Variants in PTPRA observed in about 807,000 individuals in gnomAD.
PTPRA encodes the protein protein tyrosine phosphatase receptor type A.
In PTPRA, 25 loss-of-function variants were observed where a neutral mutation model predicts 104.8. The ratio of observed to expected loss-of-function variants is 0.24; its 90% CI spans 0.17 to 0.33. PTPRA has a LOEUF of 0.33. Ranked by LOEUF, PTPRA falls within the 10% of genes least tolerant of loss-of-function variation. The pLI is 1.00. For synonymous variants in PTPRA, 323 were observed against 368.9 expected (o/e 0.88, Z 1.43); for missense variants, 765 against 1,015.3 (o/e 0.75, Z 3.35).
intron 6 of PTPRA, among the ~76,000 whole-genome samples, 197 bp downstream of exon 6, chr20:2,975,438 T>C (rs12480170): frequency 0.022 from 3,371 of 152,330 alleles, 110 homozygotes; most frequent in African/African-American, 0.064. Context: ...TTTTTTAATA[T>C]AGACTATGGA....
intron 17 of PTPRA, among the ~76,000 whole-genome samples, chr20:3,025,434 C>T: frequency 7.6e-6 from 1 of 130,772 alleles, no homozygotes. Context: ...GCCTGGGCGA[C>T]AGAGCGAGAC....
chr20:2,904,895 C>A (rs191461515), intron 1 of PTPRA, among the ~76,000 whole-genome samples: 1 of 151,968 alleles, frequency 6.6e-6, no homozygotes. Flanking sequence ...GGGAAAAATA[C>A]GTAAAGATTT....
intron 2 of PTPRA, among the ~76,000 whole-genome samples, chr20:2,925,546 G>T (rs1295643688): frequency 6.6e-6 from 1 of 152,086 alleles, no homozygotes; most frequent in African/African-American, 2.4e-5. Flanking sequence ...GAGTGTGGTG[G>T]CTCACGCCTG....
At chr20:2,894,047 G>A (rs1407468403) in intron 1 of PTPRA, among the ~76,000 whole-genome samples, 2 of 151,882 alleles carry the variant, frequency 1.3e-5, no homozygotes, top group African/African-American at 4.8e-5. Context: ...TAATGACATG[G>A]AAAAAAGTAG....
At chr20:3,032,575 G>A (rs879331057) in intron 20 of PTPRA, among the ~76,000 whole-genome samples, 10 of 151,738 alleles carry the variant, frequency 6.6e-5, no homozygotes, top group East Asian at 3.9e-4. Flanking sequence ...AGACCAGCCT[G>A]GCCAACATGG....
intron 20 of PTPRA, among the ~76,000 whole-genome samples, chr20:3,031,862 A>G (rs1600286419): frequency 6.6e-6 from 1 of 152,046 alleles, no homozygotes; most frequent in Middle Eastern, 3.4e-3. Context: ...TTATTCCCTC[A>G]TGCTTTCTTA....
chr20:3,035,715 G>T lies in PTPRA; in HGVS notation c.2046+5G>T, dbSNP rs931156231. ...CTCCTGGTCACCAACACCAGGGTAAGATGGGTCGTGGGTGGACTCTGCCCA... is the reference window on the plus strand; with the variant it reads ...CTCCTGGTCACCAACACCAGGGTAATATGGGTCGTGGGTGGACTCTGCCCA... On this transcript the variant is annotated splice_donor_5th_base_variant and intron_variant, in intron 21 of 23. Transcript: ENST00000399903. This position sits in a 1 kb window ranked among gnomAD's most constrained non-coding sequence, Gnocchi z 5.8. 2.5e-6 allele frequency: 4 copies of T among 1,614,096 alleles called. No individual in the cohort carries two copies. The highest frequency in any genetic ancestry group is 2.7e-5 in the African/African-American group (2 of 74,946).
intron 12 of PTPRA, among the ~76,000 whole-genome samples, chr20:3,016,524 G>T (rs1012789773): frequency 6.6e-6 from 1 of 152,226 alleles, no homozygotes; most frequent in African/African-American, 2.4e-5. Context: ...AAGACAGGAG[G>T]ATCGTTTGAG....
chr20:3,018,783 A>C, intron 13 of PTPRA, among the ~76,000 whole-genome samples: 2 of 137,506 alleles, frequency 1.5e-5, no homozygotes, highest in Non-Finnish European at 3.1e-5. Flanking sequence ...GGGGCTCCTC[A>C]CTTCCCAGTA....
At chr20:2,888,615 A>C (rs935903739) in intron 1 of PTPRA, among the ~76,000 whole-genome samples, 4 of 152,112 alleles carry the variant, frequency 2.6e-5, no homozygotes, top group African/African-American at 9.7e-5. Context: ...ATTTTGCTTA[A>C]TTTAAAATTA....
intron 16 of PTPRA, 83 bp from the exon 17 acceptor site, chr20:3,024,389 G>A: frequency 7.3e-7 from 1 of 1,374,162 alleles, no homozygotes; most frequent in Non-Finnish European, 1.0e-6. Flanking sequence ...ATGGACTGGA[G>A]TGAAGTGGGG....
Position 2,883,576 on chromosome 20 carries a change from C to T in PTPRA, c.-129+9816C>T, listed in dbSNP as rs2090189263. On this transcript the variant is annotated intron_variant, in intron 1 of 23. Coordinates refer to ENST00000399903, the MANE Select transcript of PTPRA (RefSeq NM_001385305.1). The stretch of plus-strand genomic sequence containing the variant: ...CTGAGGCAGGAGAATGGCGTGAACC[C>T]GGGAGGCGGAGCTTGCAGTGAGCCG... Among the ~76,000 whole-genome samples, 2 of 29,544 alleles carry T rather than the reference C, an allele frequency of 6.8e-5. 1 individual carries two copies. The highest frequency in any genetic ancestry group is 9.6e-5 in the Non-Finnish European group (2 of 20,900). The allele number at this position is 29,544 out of a possible 152,430, so 19.4% of individuals were successfully genotyped here.
At chr20:2,893,875 A>G (rs2058892166) in intron 1 of PTPRA, among the ~76,000 whole-genome samples, 1 of 151,966 alleles carries the variant, frequency 6.6e-6, no homozygotes, top group Non-Finnish European at 1.5e-5. Context: ...TTTGATATAT[A>G]TATATACAGT....
In PTPRA at chr20:2,879,904, T is replaced by C. The variant is rs117170012; in HGVS notation, c.-129+6144T>C. On this transcript the variant is annotated intron_variant, in intron 1 of 23. Transcript: ENST00000399903. ...ACCTTTTATGATGTTTGCAGAATTATGAAATCACATCAGGACTCATCCTCA... is the reference window on the plus strand; with the variant it reads ...ACCTTTTATGATGTTTGCAGAATTACGAAATCACATCAGGACTCATCCTCA... Among the ~76,000 whole-genome samples the C allele has an allele frequency of 5.0e-3, 764 of 152,326 alleles. 6 individuals carry two copies. The highest frequency in any genetic ancestry group is 8.1e-3 in the Non-Finnish European group (554 of 68,034).
intron 11 of PTPRA, among the ~76,000 whole-genome samples, chr20:3,012,839 A>G (rs546258977): frequency 2.0e-5 from 3 of 152,164 alleles, no homozygotes; most frequent in Non-Finnish European, 2.9e-5. Flanking sequence ...AAATTCACCC[A>G]TTTTAAGTGA....
rs770649567 is a variant in PTPRA at position 2,964,371 on chromosome 20, G to A, written c.73+21G>A. 10 of 1,546,288 alleles carry A rather than the reference G, an allele frequency of 6.5e-6. No individual in the cohort carries two copies. The African/African-American group carries it at 9.7e-5, about 15-fold the overall frequency. The stretch of plus-strand genomic sequence containing the variant: ...CACAGGTAAATTGTCATTTGATAAG[G>A]CTGCTATTTGAAATGAAATTTTGCT... On this transcript the variant is annotated intron_variant, in intron 4 of 23. Coordinates refer to ENST00000399903, the MANE Select transcript of PTPRA (RefSeq NM_001385305.1).
intron 1 of PTPRA, among the ~76,000 whole-genome samples, chr20:2,885,304 G>C (rs1348019654): frequency 6.6e-6 from 1 of 152,140 alleles, no homozygotes; most frequent in Non-Finnish European, 1.5e-5. Flanking sequence ...ATCTGACTGT[G>C]ATTTTGTTGC....
chr20:2,929,069 G>A (rs1476003391), intron 2 of PTPRA, among the ~76,000 whole-genome samples: 1 of 151,908 alleles, frequency 6.6e-6, no homozygotes, highest in African/African-American at 2.4e-5. Context: ...GAGCTCAAGT[G>A]ATCCTTCTGC....
At position 2,891,758 on chromosome 20, in the gene PTPRA, G is replaced by A. The variant is rs114095859; in HGVS notation, c.-129+17998G>A. 5.6e-3 allele frequency among the ~76,000 whole-genome samples: 852 copies of A among 152,050 alleles called. 8 individuals are homozygous for A. Among genetic ancestry groups the A allele is most frequent in the African/African-American group, 0.019 (787 of 41,426 alleles). On this transcript the variant is annotated intron_variant, in intron 1 of 23. Transcript: ENST00000399903. The stretch of plus-strand genomic sequence containing the variant: ...TGATTGATTCCAGGATCCCCCCCAT[G>A]GAGATCAAAATCCAGGGATACTCAG...
Sources: gnomAD v4.1 joint callset for allele counts (sites outside exome capture counted in the v4.1 genomes callset) on GRCh38, gnomAD v4.1.1 for gene constraint, Gnocchi (gnomAD v3.1) non-coding constraint, MANE v1.5 for transcripts, NCBI Gene and HGNC (gene_info 2026-07-23, HGNC 2026-07-21) for gene names.